The following UBN2 variants were observed in gnomAD, a reference collection of about 807,000 sequenced individuals.
The protein encoded by UBN2 is ubinuclein 2.
A neutral mutation model predicts 120.2 loss-of-function variants in UBN2; 35 were observed. The ratio of observed to expected loss-of-function variants is 0.29; its 90% CI spans 0.22 to 0.39. The LOEUF (loss-of-function observed/expected upper bound fraction) is 0.39, where lower values mean the gene tolerates loss of function less well. Ranked by LOEUF, UBN2 falls within the 10% of genes least tolerant of loss-of-function variation. The pLI, the probability that UBN2 is intolerant of heterozygous loss-of-function variation, is 1.00. For missense variants in UBN2, 1,693 were observed against 1,663.2 expected, an observed-to-expected ratio of 1.02 and a Z score of -0.31; for synonymous variants, 661 against 648.7, an observed-to-expected ratio of 1.02 and a Z score of -0.29.
chr7:139,284,619 TA>T, intron 15 of UBN2, 45 bp downstream of exon 15: 1 of 1,502,880 alleles, frequency 6.7e-7, no homozygotes, highest in South Asian at 1.3e-5. Flanking sequence ...TAAGATTGTA[TA>T]ATGTCGTCTT....
chr7:139,322,338 A>G, the UBN2 span, among the ~76,000 whole-genome samples: 1 of 152,226 alleles, frequency 6.6e-6, no homozygotes, highest in Non-Finnish European at 1.5e-5. Flanking sequence ...TTGTTACCCA[A>G]AAGAGCCTGG....
chr7:139,276,283 A>C, intron 12 of UBN2, 136 bp downstream of exon 12: 1 of 818,898 alleles, frequency 1.2e-6, no homozygotes. Flanking sequence ...TAGACTTCAG[A>C]ACACATTTAT....
chr7:139,279,496 T>A (rs769169603), intron 13 of UBN2, 136 bp downstream of exon 13: 4 of 627,378 alleles, frequency 6.4e-6, no homozygotes, highest in Non-Finnish European at 1.1e-5. Context: ...TTCATAATAA[T>A]CTTAGTACTT....
chr7:139,311,067 C>T (rs1430422681), downstream of UBN2, among the ~76,000 whole-genome samples: 1 of 152,180 alleles, frequency 6.6e-6, no homozygotes, highest in African/African-American at 2.4e-5. Flanking sequence ...AAATGTGTAC[C>T]ACTGCTTCCT....
At chr7:139,261,951 T>G (rs565086171) in intron 6 of UBN2, among the ~76,000 whole-genome samples, 88 of 148,830 alleles carry the variant, frequency 5.9e-4, no homozygotes, top group South Asian at 2.5e-3. Flanking sequence ...TTTCTTTCTT[T>G]TTTTTTTTTT....
At chr7:139,263,971 A>G (rs1227497766) in intron 6 of UBN2, among the ~76,000 whole-genome samples, 1 of 152,174 alleles carries the variant, frequency 6.6e-6, no homozygotes, top group Non-Finnish European at 1.5e-5. Context: ...CTCAAAGGAA[A>G]TCTATTTTTT....
chr7:139,295,824 G>A (rs1290957004), intron 17 of UBN2, among the ~76,000 whole-genome samples: 2 of 152,186 alleles, frequency 1.3e-5, no homozygotes, highest in Admixed American at 6.5e-5. Context: ...AGGAGGCTGA[G>A]GTGGGAGGAT....
In UBN2 at chr7:139,235,894, T is replaced by C. The variant is rs137943664; in HGVS notation, c.469-1111T>C. ...TCTATCATGTTTTTTAGACCGATCA[T>C]GTCTCAGTCTTTATATCCAGGATGA... On this transcript the variant is annotated intron_variant, in intron 1 of 17. Coordinates refer to ENST00000473989, the MANE Select transcript of UBN2 (RefSeq NM_173569.4). Among the ~76,000 whole-genome samples, 513 of 152,364 alleles carry C rather than the reference T, an allele frequency of 3.4e-3. 3 individuals are homozygous for C. Among genetic ancestry groups the C allele is most frequent in the African/African-American group, 0.012 (486 of 41,590 alleles).
intron 6 of UBN2, among the ~76,000 whole-genome samples, chr7:139,265,869 C>T (rs1797082034): frequency 6.6e-6 from 1 of 152,084 alleles, no homozygotes; most frequent in Non-Finnish European, 1.5e-5. Context: ...TTCATTTCAG[C>T]CCGGTGATAT....
chr7:139,231,544 C>G lies in UBN2; in HGVS notation c.60C>G (p.Ala20=), dbSNP rs1472618499. ...ISLSPVRRRE[A]EYPGPEREPE... ...TGTCACCGGTGCGGCGGCGCGAGGC[C>G]GAGTACCCGGGGCCCGAGCGTGAGC... The change falls in exon 1 of 18, where the codon GCC becomes GCG. Residue 20 remains alanine, a synonymous_variant. Coordinates refer to ENST00000473989, the MANE Select transcript of UBN2 (RefSeq NM_173569.4). 1.4e-6 allele frequency: 2 copies of G among 1,423,778 alleles called. No individual in the cohort carries two copies. Among genetic ancestry groups the G allele is most frequent in the Non-Finnish European group, 1.9e-6 (2 of 1,080,148 alleles). The allele number at this position is 1,423,778 out of a possible 1,614,324, so 88.2% of individuals were successfully genotyped here.
At chr7:139,324,814 T>C in the UBN2 span, among the ~76,000 whole-genome samples, 2 of 151,678 alleles carry the variant, frequency 1.3e-5, no homozygotes, top group Non-Finnish European at 2.9e-5. Context: ...CTACTAAACA[T>C]ACAAAAATTA....
chr7:139,246,951 T>C (rs1436171367), intron 2 of UBN2, among the ~76,000 whole-genome samples: 1 of 152,172 alleles, frequency 6.6e-6, no homozygotes, highest in African/African-American at 2.4e-5. Context: ...CCGTTGTTTA[T>C]CCGTCCACCA....
At chr7:139,272,171 C>T (rs1018862244) in intron 8 of UBN2, 151 bp from the exon 9 acceptor site, 26 of 586,608 alleles carry the variant, frequency 4.4e-5, no homozygotes, top group Non-Finnish European at 8.9e-6. Context: ...TAGGAAAAGT[C>T]AGTGCTGTAG....
chr7:139,261,428 C>T lies in UBN2; in HGVS notation c.1082C>T (p.Ala361Val). ...CCTTCTCTGAATAAACCCCCATGTG[C>T]TGCTGCAGCACTGGGGAATGACGTC... ...STPSLNKPPC[A>V]AAALGNDVPD... Residue 361 changes from alanine (A) to valine (V), a missense_variant, in exon 6 of 18, where the codon GCT (alanine) becomes GTT (valine). Around this residue, in one of 5 missense-constraint regions of UBN2, gnomAD observed 663 missense variants for 591.2 expected, o/e 1.12. Transcript: ENST00000473989. The T allele has an allele frequency of 6.2e-7, 1 of 1,614,234 alleles. No individual in the cohort carries two copies. The highest frequency in any genetic ancestry group is 2.2e-5 in the East Asian group (1 of 44,886).
chr7:139,304,158 A>G lies in UBN2; in HGVS notation c.*6322A>G, dbSNP rs1158659282. 6.6e-6 allele frequency: 1 copy of G among 152,142 alleles called. No homozygotes were observed. The highest frequency in any genetic ancestry group is 1.5e-5 in the Non-Finnish European group (1 of 68,024). The allele number at this position is 152,142 out of a possible 1,614,324, so 9.4% of individuals were successfully genotyped here. ...TAACTGTAGGTGTATCCAGCTCTGC[A>G]CTGAAGGGGTGAGCACTACACACAG... On this transcript the variant is annotated 3_prime_UTR_variant, in exon 18 of 18. Coordinates refer to ENST00000473989, the MANE Select transcript of UBN2 (RefSeq NM_173569.4).
Position 139,306,134 on chromosome 7 carries a change from C to G in UBN2, c.*8298C>G, listed in dbSNP as rs987817440. On this transcript the variant is annotated 3_prime_UTR_variant, in exon 18 of 18. Coordinates refer to ENST00000473989, the MANE Select transcript of UBN2 (RefSeq NM_173569.4). The stretch of plus-strand genomic sequence containing the variant: ...TACCCAAGATAACATGGAAATACTT[C>G]TGTTTTTGAAGTTAACAACACCGTC... 1.3e-5 allele frequency: 2 copies of G among 152,188 alleles called. No homozygotes were observed. The highest frequency in any genetic ancestry group is 1.9e-4 in the East Asian group (1 of 5,198). The allele number at this position is 152,188 out of a possible 1,614,324, so 9.4% of individuals were successfully genotyped here.
intron 3 of UBN2, 84 bp from the exon 4 acceptor site, chr7:139,258,404 C>G (rs2130974675): frequency 1.8e-6 from 2 of 1,117,994 alleles, no homozygotes; most frequent in African/African-American, 1.6e-5. Context: ...AAGGGAGATG[C>G]TGCCATGGTG....
intron 12 of UBN2, among the ~76,000 whole-genome samples, chr7:139,278,315 G>A (rs1312732394): frequency 6.6e-6 from 1 of 151,688 alleles, no homozygotes; most frequent in African/African-American, 2.4e-5. Context: ...CTGAGTAGCT[G>A]GGACTACAGG....
chr7:139,270,295 A>G (rs1300912600), intron 8 of UBN2, among the ~76,000 whole-genome samples: 1 of 141,696 alleles, frequency 7.1e-6, no homozygotes, highest in Non-Finnish European at 1.5e-5. Flanking sequence ...TTTTTGTGAC[A>G]GAGTCTCGCT....
Sources: gnomAD v4.1 joint callset for allele counts (sites outside exome capture counted in the v4.1 genomes callset) on GRCh38, gnomAD v4.1.1 for gene constraint, gnomAD v4.1.1 regional missense constraint, MANE v1.5 for transcripts, NCBI Gene and HGNC (gene_info 2026-07-23, HGNC 2026-07-21) for gene names.